The following PRDM2 variants were observed in gnomAD, a reference collection of about 807,000 sequenced individuals.
The protein encoded by PRDM2 is PR/SET domain 2.
In PRDM2, 30 loss-of-function variants were observed where a neutral mutation model predicts 130.0. The observed-to-expected ratio is 0.23, with a 90% confidence interval of 0.17 to 0.31. The LOEUF (loss-of-function observed/expected upper bound fraction) is 0.31. Ranked by LOEUF, PRDM2 falls within the 10% of genes least tolerant of loss-of-function variation. The probability of loss-of-function intolerance (pLI) is 1.00; values close to 1 mark genes in which losing one functional copy is unlikely to be tolerated. For missense variants in PRDM2, 2,011 were observed against 2,108.4 expected (o/e 0.95, Z 0.90); for synonymous variants, 871 against 782.4 (o/e 1.11, Z -1.89).
rs1373750834 is a variant in PRDM2 at position 13,749,345 on chromosome 1, T to G, written c.385-16T>G. The G allele has an allele frequency of 2.7e-6, 4 of 1,472,402 alleles. No individual in the cohort carries two copies. The highest frequency in any genetic ancestry group is 3.6e-6 in the Non-Finnish European group (4 of 1,096,544). 91.2% of individuals were successfully genotyped at this position (1,472,402 alleles called of 1,614,324 possible). A position where few individuals can be genotyped will look rare whatever the true frequency, so the allele number is the denominator to read the frequency against. On this transcript the variant is annotated splice_polypyrimidine_tract_variant and intron_variant, in intron 5 of 9. Transcript: ENST00000311066. ...CGCTCTGATTGGCCCGGCGCTTGTCTCTTCTCTCCCCGCAGCCAATCGCGC... is the reference window on the plus strand; with the variant it reads ...CGCTCTGATTGGCCCGGCGCTTGTCGCTTCTCTCCCCGCAGCCAATCGCGC...
intron 2 of PRDM2, among the ~76,000 whole-genome samples, chr1:13,728,446 A>AT (rs769597506): frequency 3.3e-5 from 5 of 152,184 alleles, no homozygotes; most frequent in Non-Finnish European, 5.9e-5. Flanking sequence ...TTTTCTAGAA[A>AT]TGTTCTAGGC....
At chr1:13,769,300 T>C (rs1253088625) in intron 6 of PRDM2, 2 of 378,540 alleles carry the variant, frequency 5.3e-6, no homozygotes, top group Non-Finnish European at 7.3e-6. Flanking sequence ...TCTTTTAATT[T>C]GATGACATAT....
At chr1:13,722,948 C>T in intron 2 of PRDM2, 1 of 446,516 alleles carries the variant, frequency 2.2e-6, no homozygotes, top group Non-Finnish European at 4.5e-6. Flanking sequence ...CATCTCGTCA[C>T]TCTCCTGCCC....
intron 8 of PRDM2, among the ~76,000 whole-genome samples, chr1:13,798,003 T>G (rs770221887): frequency 3.3e-5 from 5 of 152,174 alleles, no homozygotes; most frequent in Admixed American, 6.5e-5. Flanking sequence ...TTCAATTATG[T>G]TTTTCCTTAA....
At chr1:13,787,722 G>A (rs745744374) in intron 8 of PRDM2, 23 of 984,620 alleles carry the variant, frequency 2.3e-5, no homozygotes, top group Non-Finnish European at 2.3e-5. Flanking sequence ...TTTTGTTGGC[G>A]TTGTTAACCC....
intron 8 of PRDM2, chr1:13,788,065 A>G (rs1644777255): frequency 2.0e-5 from 20 of 977,450 alleles, no homozygotes; most frequent in Non-Finnish European, 2.4e-5. Context: ...TAACCAATAA[A>G]AAACTTTCTA....
At chr1:13,763,765 T>C (rs1282476009) in intron 6 of PRDM2, among the ~76,000 whole-genome samples, 1 of 152,216 alleles carries the variant, frequency 6.6e-6, no homozygotes, top group Non-Finnish European at 1.5e-5. Context: ...TGTAACCAAG[T>C]GCTCATCTGA....
rs772310175 is a variant in PRDM2 at position 13,750,117 on chromosome 1, C to G, written c.511+630C>G. Reference sequence around the variant, plus strand: ...GTTGTTTTGTCGTTTTGACTCAATTCTCATAGTTTTACGACTTCTGATGAT... The same window carrying G: ...GTTGTTTTGTCGTTTTGACTCAATTGTCATAGTTTTACGACTTCTGATGAT... On this transcript the variant is annotated intron_variant, in intron 6 of 9. Transcript: ENST00000311066. Among the ~76,000 whole-genome samples the G allele has an allele frequency of 2.6e-5, 4 of 152,188 alleles. No homozygotes were observed. In the South Asian group the frequency reaches 6.2e-4, roughly 24 times the overall value.
chr1:13,790,835 C>G (rs1644827256), intron 8 of PRDM2, among the ~76,000 whole-genome samples: 1 of 152,136 alleles, frequency 6.6e-6, no homozygotes, highest in Non-Finnish European at 1.5e-5. Context: ...CCTCCCTCCC[C>G]CCCTTCTGCC....
intron 1 of PRDM2, among the ~76,000 whole-genome samples, chr1:13,708,954 C>CT (rs1238631558): frequency 6.6e-6 from 1 of 152,122 alleles, no homozygotes; most frequent in African/African-American, 2.4e-5. Context: ...ATAGTCTGCA[C>CT]TTTAATACCA....
intron 8 of PRDM2, chr1:13,786,439 A>G (rs1209929638): frequency 1.3e-6 from 2 of 1,558,454 alleles, no homozygotes; most frequent in Non-Finnish European, 1.8e-6. Context: ...CGGTCTATTC[A>G]CCTTTTTCTT....
Position 13,730,981 on chromosome 1 carries a change from T to A in PRDM2, c.10-19T>A. 6.5e-7 allele frequency: 1 copy of A among 1,529,904 alleles called. No individual in the cohort carries two copies. The highest frequency in any genetic ancestry group is 8.8e-7 in the Non-Finnish European group (1 of 1,130,274). 94.8% of individuals were successfully genotyped at this position (1,529,904 alleles called of 1,614,324 possible). ...GTTTTCTTTCTTTTGCTGTGATCCT[T>A]CCATTTCTTGACTTGCAGAACACTA... On this transcript the variant is annotated intron_variant, in intron 2 of 9. Coordinates refer to ENST00000311066, the MANE Select transcript of PRDM2 (RefSeq NM_001393986.1).
intron 8 of PRDM2, among the ~76,000 whole-genome samples, chr1:13,795,458 C>G (rs1301929675): frequency 6.6e-6 from 1 of 152,296 alleles, no homozygotes; most frequent in South Asian, 2.1e-4. Context: ...TGAGTTTGTG[C>G]TACCTCTCGT....
chr1:13,802,605 A>G (rs1258353777), intron 8 of PRDM2, among the ~76,000 whole-genome samples: 1 of 152,104 alleles, frequency 6.6e-6, no homozygotes, highest in Non-Finnish European at 1.5e-5. Context: ...AATCCCTTTG[A>G]CTTCTTTGAC....
In PRDM2 at chr1:13,781,236, A is replaced by C; in HGVS notation, c.3441A>C (p.Lys1147Asn). 6.2e-7 allele frequency: 1 copy of C among 1,614,228 alleles called. No homozygotes were observed. Among genetic ancestry groups the C allele is most frequent in the Non-Finnish European group, 8.5e-7 (1 of 1,180,046 alleles). ...NVCESPFLSI[K>N]DLTKHLSIHA... The stretch of plus-strand genomic sequence containing the variant: ...GTGAATCACCTTTTCTTTCCATTAA[A>C]GATCTAACCAAACATTTATCTATTC... The change falls in exon 8 of 10, where the codon AAA (lysine) becomes AAC (asparagine). Residue 1147 changes from lysine (K) to asparagine (N), a missense_variant. Physicochemically the swap from Lys to Asn is moderately conservative, Grantham distance 94 (BLOSUM62 0). Around this residue, in one of 5 missense-constraint regions of PRDM2, gnomAD observed 229 missense variants for 364.1 expected, o/e 0.63. Transcript: ENST00000311066. The surrounding 1 kb of genome is among the most constrained non-coding windows in gnomAD (Gnocchi z 6.1).
intron 1 of PRDM2, among the ~76,000 whole-genome samples, chr1:13,704,385 C>G (rs902650275): frequency 7.0e-6 from 1 of 142,694 alleles, no homozygotes; most frequent in African/African-American, 2.6e-5. Context: ...AGTATTTATT[C>G]TTAGAGTCTT....
chr1:13,817,725 C>T (rs774576325), intron 9 of PRDM2, among the ~76,000 whole-genome samples: 6 of 151,992 alleles, frequency 3.9e-5, no homozygotes, highest in Non-Finnish European at 7.4e-5. Flanking sequence ...TTCAGCCGGG[C>T]GCGGTCGCTC....
At chr1:13,813,396 T>C (rs923454463) in intron 8 of PRDM2, among the ~76,000 whole-genome samples, 1 of 152,086 alleles carries the variant, frequency 6.6e-6, no homozygotes, top group Non-Finnish European at 1.5e-5. Flanking sequence ...AGTGAAGCAC[T>C]TCTTGATCAG....
intron 6 of PRDM2, among the ~76,000 whole-genome samples, chr1:13,754,757 CCTGGTGGGCAGGTCCTGTGCCCACTGA>C (rs1469978050): frequency 2.0e-5 from 3 of 152,306 alleles, no homozygotes; most frequent in African/African-American, 7.2e-5. Context: ...CTACTGGGTG[CCTGGTGGGCAGGTCCTGTGCCCACTGA>C]CTTATAGGGC....
Sources: gnomAD v4.1 joint callset for allele counts (sites outside exome capture counted in the v4.1 genomes callset) on GRCh38, gnomAD v4.1.1 for gene constraint, gnomAD v4.1.1 regional missense constraint, Gnocchi (gnomAD v3.1) non-coding constraint, MANE v1.5 for transcripts, NCBI Gene and HGNC (gene_info 2026-07-23, HGNC 2026-07-21) for gene names.